Variants in TRAF1 observed in about 807,000 individuals in gnomAD.
TRAF1 encodes TNF receptor associated factor 1.
A neutral mutation model predicts 40.9 loss-of-function variants in TRAF1; 23 were observed. That is an observed-to-expected ratio of 0.56 (90% CI 0.40 to 0.80). TRAF1 has a LOEUF of 0.80. Among genes scored for constraint, TRAF1 ranks in the 30% least tolerant of loss-of-function variants. The pLI, the probability that TRAF1 is intolerant of heterozygous loss-of-function variation, is 0.00. For synonymous variants in TRAF1, 206 were observed against 218.8 expected, an observed-to-expected ratio of 0.94 and a Z score of 0.52; for missense variants, 477 against 528.7, an observed-to-expected ratio of 0.90 and a Z score of 0.96.
At chr9:120,905,548 G>A (rs2046474516) in intron 7 of TRAF1, among the ~76,000 whole-genome samples, 1 of 152,228 alleles carries the variant, frequency 6.6e-6, no homozygotes, top group Non-Finnish European at 1.5e-5. Flanking sequence ...GTGACTGGCT[G>A]TTGGGGGCAG....
rs184469803 is a variant in TRAF1 at position 120,907,002 on chromosome 9, G to A, written c.1033-1764C>T. ...TCGTGCCTCAGCCTCCAGAGTAGAT[G>A]GGATTACAGGCACACATCACAATGC... is the stretch of plus-strand genomic sequence containing the variant. On this transcript the variant is annotated intron_variant, in intron 7 of 7. Coordinates refer to ENST00000373887, the MANE Select transcript of TRAF1 (RefSeq NM_005658.5). 1.5e-4 allele frequency among the ~76,000 whole-genome samples: 23 copies of A among 152,292 alleles called. No individual in the cohort carries two copies. The East Asian group carries it at 3.3e-3, about 22-fold the overall frequency.
chr9:120,906,943 A>G (rs2131618159), intron 7 of TRAF1, among the ~76,000 whole-genome samples: 1 of 152,270 alleles, frequency 6.6e-6, no homozygotes, highest in South Asian at 2.1e-4. Flanking sequence ...ATCTCAGCTC[A>G]CTGCAACCTC....
In TRAF1 at chr9:120,902,502, G is replaced by A. The variant is rs2046444559; in HGVS notation, c.*2518C>T. On this transcript the variant is annotated 3_prime_UTR_variant, in exon 8 of 8. Transcript: ENST00000373887. Reference sequence around the variant, plus strand: ...TTACCAGCAGGTGCTCTGTGGGCAGGGCGGGGGGTGGGGGGGGGGGCGGTG... The same window carrying A: ...TTACCAGCAGGTGCTCTGTGGGCAGAGCGGGGGGTGGGGGGGGGGGCGGTG... The A allele has an allele frequency of 7.3e-6, 1 of 137,288 alleles. No homozygotes were observed. The highest frequency in any genetic ancestry group is 6.9e-5 in the Admixed American group (1 of 14,502). 8.5% of individuals were successfully genotyped at this position (137,288 alleles called of 1,614,324 possible). A position where few individuals can be genotyped will look rare whatever the true frequency, so the allele number is the denominator to read the frequency against.
At chr9:120,906,173 G>GTTT (rs35324048) in intron 7 of TRAF1, among the ~76,000 whole-genome samples, 68 of 84,844 alleles carry the variant, frequency 8.0e-4, no homozygotes, top group Non-Finnish European at 1.2e-3. Context: ...ATTATGGTGT[G>GTTT]TTTTTTTTTT....
At chr9:120,926,406 A>G (rs1395670596) in intron 1 of TRAF1, 105 bp from the exon 2 acceptor site, 1 of 180,730 alleles carries the variant, frequency 5.5e-6, no homozygotes, top group Non-Finnish European at 1.1e-5. Flanking sequence ...AAGCACAGTG[A>G]GAGTTCCCCT....
intron 2 of TRAF1, among the ~76,000 whole-genome samples, chr9:120,925,154 C>T (rs56030773): frequency 0.05 from 7,605 of 152,272 alleles, 632 homozygotes; most frequent in African/African-American, 0.17. Context: ...GCTGTAAAAC[C>T]GCAAACAAAA....
At chr9:120,914,919 G>A (rs958436665) in intron 3 of TRAF1, among the ~76,000 whole-genome samples, 1 of 152,164 alleles carries the variant, frequency 6.6e-6, no homozygotes, top group Non-Finnish European at 1.5e-5. Flanking sequence ...TTTACCAAAT[G>A]CTTTCATGGC....
chr9:120,917,105 C>T (rs1000725667), intron 3 of TRAF1, among the ~76,000 whole-genome samples: 19 of 152,160 alleles, frequency 1.2e-4, no homozygotes, highest in African/African-American at 4.6e-4. Context: ...GCTGTCCTGG[C>T]GTTGTGTGAA....
chr9:120,924,957 C>T (rs1409525784), intron 2 of TRAF1, among the ~76,000 whole-genome samples: 2 of 152,224 alleles, frequency 1.3e-5, no homozygotes, highest in Non-Finnish European at 2.9e-5. Flanking sequence ...AACCAGGAGA[C>T]CCACTACCAG....
rs1016530635 is a variant in TRAF1, at chr9:120,903,757, G to A, written c.*1263C>T. 2 of 152,226 alleles carry A rather than the reference G, an allele frequency of 1.3e-5. No individual in the cohort carries two copies. The highest frequency in any genetic ancestry group is 2.9e-5 in the Non-Finnish European group (2 of 68,072). 9.4% of individuals were successfully genotyped at this position (152,226 alleles called of 1,614,324 possible). On this transcript the variant is annotated 3_prime_UTR_variant, in exon 8 of 8. Transcript: ENST00000373887. Reference sequence around the variant, plus strand: ...CTGTCCTGCGTGGCATCTCCTTTGAGGGTCAGAGAAGCCAGGGAGGGAGGC... The same window carrying A: ...CTGTCCTGCGTGGCATCTCCTTTGAAGGTCAGAGAAGCCAGGGAGGGAGGC...
rs2046547351 is a variant in TRAF1 at position 120,913,635 on chromosome 9, C to T, written c.398G>A (p.Gly133Asp). 1 of 1,613,594 alleles carries T rather than the reference C, an allele frequency of 6.2e-7. No individual in the cohort carries two copies. The highest frequency in any genetic ancestry group is 1.7e-5 in the Admixed American group (1 of 60,010). Reference protein sequence around the residue: ...MKQWKARLGCGLESGPMALEQ... With the variant: ...MKQWKARLGCDLESGPMALEQ... ...CAGGGCCATGGGCCCAGACTCCAGG[C>T]CACAGCCCAGCCGGGCCTTCCACTG... The change falls in exon 5 of 8, where the codon GGC (glycine) becomes GAC (aspartate). Residue 133 changes from glycine (G) to aspartate (D), a missense_variant. By Grantham distance (94) the Gly-to-Asp change is moderately conservative. Transcript: ENST00000373887.
intron 6 of TRAF1, among the ~76,000 whole-genome samples, chr9:120,910,847 A>C (rs539441387): frequency 1.3e-4 from 20 of 152,374 alleles, no homozygotes; most frequent in African/African-American, 4.6e-4. Context: ...TAAGACACTC[A>C]TTCACATATG....
rs2046451034 is a variant in TRAF1, at chr9:120,903,042, C to T, written c.*1978G>A. On this transcript the variant is annotated 3_prime_UTR_variant, in exon 8 of 8. Coordinates refer to ENST00000373887, the MANE Select transcript of TRAF1 (RefSeq NM_005658.5). ...TACAAATCCCCCCTTGGGCTCAACA[C>T]TCGGTGAGTAGGGATCAAGAGGTTA... 1 of 152,238 alleles carries T rather than the reference C, an allele frequency of 6.6e-6. No homozygotes were observed. Among genetic ancestry groups the T allele is most frequent in the African/African-American group, 2.4e-5 (1 of 41,456 alleles). 9.4% of individuals were successfully genotyped at this position (152,238 alleles called of 1,614,324 possible).
chr9:120,907,465 T>C (rs1280728015), intron 7 of TRAF1, among the ~76,000 whole-genome samples: 4 of 152,234 alleles, frequency 2.6e-5, no homozygotes, highest in Admixed American at 6.5e-5. Context: ...TTTCAACTCC[T>C]CTAAGTAAAC....
rs772573228 is a variant in TRAF1 at position 120,909,229 on chromosome 9, C to G, written c.1032+1G>C. 31 of 1,613,556 alleles carry G rather than the reference C, an allele frequency of 1.9e-5. No individual in the cohort carries two copies. The highest frequency in any genetic ancestry group is 1.7e-5 in the Non-Finnish European group (20 of 1,179,916). ...TACCCCCATCACCTTCACACCCATACCTTGTTCCGGAAGGGCCACGGCAGC... is the reference window on the plus strand; with the variant it reads ...TACCCCCATCACCTTCACACCCATAGCTTGTTCCGGAAGGGCCACGGCAGC... On this transcript the variant is annotated splice_donor_variant, in intron 7 of 7. Transcript: ENST00000373887. LOFTEE classifies it high-confidence loss of function.
At chr9:120,920,201 A>G (rs1409760762) in intron 3 of TRAF1, among the ~76,000 whole-genome samples, 1 of 152,218 alleles carries the variant, frequency 6.6e-6, no homozygotes, top group Non-Finnish European at 1.5e-5. Flanking sequence ...CCATGGAGGC[A>G]GGACTGACTC....
chr9:120,924,641 C>T (rs187955706), intron 2 of TRAF1, among the ~76,000 whole-genome samples: 1 of 152,296 alleles, frequency 6.6e-6, no homozygotes, highest in Non-Finnish European at 1.5e-5. Context: ...TCTCAAACTC[C>T]TGACCTCAAG....
At chr9:120,909,113 A>G in intron 7 of TRAF1, 117 bp downstream of exon 7, 1 of 1,297,554 alleles carries the variant, frequency 7.7e-7, no homozygotes. Context: ...AGGGAAACTG[A>G]TAACACAGAG....
upstream of TRAF1, chr9:120,928,599 C>T (rs1415020168): frequency 6.6e-6 from 1 of 152,474 alleles, no homozygotes; most frequent in African/African-American, 2.4e-5. Flanking sequence ...TCGGCTCCAT[C>T]CACGAGGAGT....
Sources: allele counts gnomAD v4.1 joint callset (sites outside exome capture counted in the v4.1 genomes callset), GRCh38; gene constraint gnomAD v4.1.1; transcripts MANE v1.5; gene names NCBI Gene and HGNC (gene_info 2026-07-23, HGNC 2026-07-21).